NIM1K: variants seen among roughly 807,000 people sequenced by gnomAD.
NIM1K encodes serine/threonine-protein kinase NIM1.
NIM1K carries 35 observed loss-of-function variants against 37.1 expected under a neutral mutation model. That is an observed-to-expected ratio of 0.94 (90% CI 0.72 to 1.25). The LOEUF (loss-of-function observed/expected upper bound fraction) is 1.25. Among genes scored for constraint, NIM1K ranks in the 50% most tolerant of loss-of-function variants. NIM1K has a pLI of 0.00. For synonymous variants in NIM1K, 234 were observed against 206.6 expected, an observed-to-expected ratio of 1.13 and a Z score of -1.14; for missense variants, 564 against 548.0, an observed-to-expected ratio of 1.03 and a Z score of -0.29.
In NIM1K at chr5:43,280,192, G is replaced by C; in HGVS notation, c.774G>C (p.Gly258=). 3 of 1,614,130 alleles carry C rather than the reference G, an allele frequency of 1.9e-6. No homozygotes were observed. The highest frequency in any genetic ancestry group is 2.5e-6 in the Non-Finnish European group (3 of 1,180,030). ...IGIYVDIWAL[G]VLLYFMVTGT... is the part of the protein sequence containing the mutation. ...TTTACGTGGATATCTGGGCCTTGGGGGTGCTTTTGTACTTCATGGTGACTG... is the reference window on the plus strand; with the variant it reads ...TTTACGTGGATATCTGGGCCTTGGGCGTGCTTTTGTACTTCATGGTGACTG... Residue 258 remains glycine, a synonymous_variant, in exon 4 of 4, where the codon GGG becomes GGC. Coordinates refer to ENST00000326035, the MANE Select transcript of NIM1K (RefSeq NM_153361.4).
chr5:43,264,370 A>G (rs550950968), intron 2 of NIM1K, among the ~76,000 whole-genome samples: 2 of 152,316 alleles, frequency 1.3e-5, no homozygotes, highest in Admixed American at 6.5e-5. Context: ...CTTTACCATT[A>G]TGTAATGGCC....
chr5:43,201,774 C>T (rs1752023770), intron 1 of NIM1K, among the ~76,000 whole-genome samples: 1 of 152,120 alleles, frequency 6.6e-6, no homozygotes, highest in African/African-American at 2.4e-5. Flanking sequence ...TCCTGGCCAA[C>T]ATGGTGAAAC....
rs771395553 is a variant in NIM1K at position 43,245,978 on chromosome 5, G to A, written c.203G>A (p.Gly68Glu). Residue 68 changes from glycine (G) to glutamate (E), a missense_variant, in exon 2 of 4, where the codon GGG becomes GAG. Transcript: ENST00000326035. ...DEKVVREITL[G>E]KRIGFYRIRG... ...AAGGTGGTGAGGGAGATCACGCTGG[G>A]GAAACGGATAGGCTTCTACCGAATT... The A allele has an allele frequency of 1.2e-6, 2 of 1,614,152 alleles. No individual in the cohort carries two copies. Among genetic ancestry groups the A allele is most frequent in the South Asian group, 1.1e-5 (1 of 91,076 alleles).
At chr5:43,266,444 T>A (rs1217482714) in intron 2 of NIM1K, among the ~76,000 whole-genome samples, 2 of 152,246 alleles carry the variant, frequency 1.3e-5, no homozygotes, top group Non-Finnish European at 2.9e-5. Flanking sequence ...GATCTCCTGG[T>A]GTGCCATTTG....
chr5:43,280,125 A>T lies in NIM1K; in HGVS notation c.707A>T (p.Tyr236Phe). The T allele has an allele frequency of 6.2e-7, 1 of 1,614,170 alleles. No individual in the cohort carries two copies. The highest frequency in any genetic ancestry group is 8.5e-7 in the Non-Finnish European group (1 of 1,180,028). The change falls in exon 4 of 4, where the codon TAC becomes TTC. Residue 236 changes from tyrosine (Y) to phenylalanine (F), a missense_variant. Physicochemically the swap from Tyr to Phe is conservative, Grantham distance 22. Coordinates refer to ENST00000326035, the MANE Select transcript of NIM1K (RefSeq NM_153361.4). The part of the protein sequence containing the change: ...MLNTFCGSPP[Y>F]AAPELFRDEH... ...AACACTTTCTGTGGGTCTCCTCCCT[A>T]CGCTGCGCCTGAACTCTTCCGGGAC...
At position 43,216,895 on chromosome 5, in the gene NIM1K, G is replaced by A. The variant is rs930462084; in HGVS notation, c.-695+24484G>A. Among the ~76,000 whole-genome samples the A allele has an allele frequency of 2.6e-5, 4 of 152,140 alleles. No individual in the cohort carries two copies. The South Asian group carries it at 6.2e-4, about 24-fold the overall frequency. On this transcript the variant is annotated intron_variant, in intron 1 of 3. Coordinates refer to ENST00000326035, the MANE Select transcript of NIM1K (RefSeq NM_153361.4). ...AGGTAGGAAAAGGATTTTGGGAGCCGCTGGATGGATGGTTTGCATGAAGTG... is the reference window on the plus strand; with the variant it reads ...AGGTAGGAAAAGGATTTTGGGAGCCACTGGATGGATGGTTTGCATGAAGTG...
At chr5:43,216,832 G>A (rs1434035663) in intron 1 of NIM1K, among the ~76,000 whole-genome samples, 7 of 152,144 alleles carry the variant, frequency 4.6e-5, no homozygotes, top group Non-Finnish European at 8.8e-5. Flanking sequence ...TAAATGGTCT[G>A]GAATCAGAAA....
chr5:43,215,416 C>T (rs989774331), intron 1 of NIM1K, among the ~76,000 whole-genome samples: 1 of 152,082 alleles, frequency 6.6e-6, no homozygotes, highest in Admixed American at 6.5e-5. Flanking sequence ...GTAGTAAAGG[C>T]TTAGCCAGCA....
At chr5:43,201,683 G>A (rs1392443934) in intron 1 of NIM1K, among the ~76,000 whole-genome samples, 2 of 151,536 alleles carry the variant, frequency 1.3e-5, no homozygotes, top group African/African-American at 2.4e-5. Flanking sequence ...TTTTCTGACC[G>A]GGCGTGGTGG....
intron 2 of NIM1K, among the ~76,000 whole-genome samples, chr5:43,273,507 C>T (rs1753290412): frequency 1.3e-5 from 2 of 152,160 alleles, no homozygotes; most frequent in South Asian, 4.1e-4. Flanking sequence ...TCACACCCGG[C>T]CCAGAGTGCT....
intron 1 of NIM1K, among the ~76,000 whole-genome samples, chr5:43,208,136 A>C (rs6887169): frequency 6.6e-6 from 1 of 151,916 alleles, no homozygotes; most frequent in Non-Finnish European, 1.5e-5. Context: ...GTAGATCTTC[A>C]GTTTGAATGT....
chr5:43,245,373 T>G lies in NIM1K; in HGVS notation c.-403T>G, dbSNP rs1752761098. On this transcript the variant is annotated 5_prime_UTR_variant, in exon 2 of 4. Coordinates refer to ENST00000326035, the MANE Select transcript of NIM1K (RefSeq NM_153361.4). ...ACCAGAGTGCAAGATTCTCTGGCCATCAAGGGAAATAGCAAACAGAAGCCT... is the reference window on the plus strand; with the variant it reads ...ACCAGAGTGCAAGATTCTCTGGCCAGCAAGGGAAATAGCAAACAGAAGCCT... 1 of 159,374 alleles carries G rather than the reference T, an allele frequency of 6.3e-6. No individual in the cohort carries two copies. The highest frequency in any genetic ancestry group is 1.4e-5 in the Non-Finnish European group (1 of 73,092). The allele number at this position is 159,374 out of a possible 1,614,324, so 9.9% of individuals were successfully genotyped here.
intron 2 of NIM1K, among the ~76,000 whole-genome samples, chr5:43,267,701 G>T (rs2112294418): frequency 6.6e-6 from 1 of 152,098 alleles, no homozygotes; most frequent in African/African-American, 2.4e-5. Context: ...TTATTTCATT[G>T]TTAACCCAAA....
rs782973 is a variant in NIM1K, at chr5:43,194,611, C to T, written c.-695+2200C>T. On this transcript the variant is annotated intron_variant, in intron 1 of 3. Coordinates refer to ENST00000326035, the MANE Select transcript of NIM1K (RefSeq NM_153361.4). ...TTGAAAAGGTTTAATTTGGGGCAAGCAGTGGTACCATTTCAAATACTTTTA... is the reference window on the plus strand; with the variant it reads ...TTGAAAAGGTTTAATTTGGGGCAAGTAGTGGTACCATTTCAAATACTTTTA... Among the ~76,000 whole-genome samples the T allele has an allele frequency of 7.9e-3, 1,196 of 152,272 alleles. 20 individuals carry two copies. The highest frequency in any genetic ancestry group is 0.027 in the African/African-American group (1,104 of 41,552).
intron 1 of NIM1K, among the ~76,000 whole-genome samples, chr5:43,223,227 G>A (rs1752407015): frequency 1.3e-5 from 2 of 152,156 alleles, no homozygotes; most frequent in East Asian, 1.9e-4. Flanking sequence ...AGAACCCTGA[G>A]GCTGGGGCCT....
intron 1 of NIM1K, among the ~76,000 whole-genome samples, chr5:43,229,785 T>C (rs1009697789): frequency 2.6e-5 from 4 of 151,912 alleles, no homozygotes; most frequent in African/African-American, 9.7e-5. Flanking sequence ...TACAGGCTCA[T>C]GCCACCATGC....
At chr5:43,224,697 A>ATT (rs34015498) in intron 1 of NIM1K, among the ~76,000 whole-genome samples, 71,976 of 140,808 alleles carry the variant, frequency 0.51, 18,945 homozygotes, top group Non-Finnish European at 0.53. Flanking sequence ...TAACAAGTGA[A>ATT]TTTTTTTTTT....
intron 1 of NIM1K, among the ~76,000 whole-genome samples, chr5:43,199,037 A>C (rs1751977477): frequency 6.6e-6 from 1 of 151,336 alleles, no homozygotes; most frequent in Non-Finnish European, 1.5e-5. Context: ...AAAAATACAA[A>C]ATTAGCTGGG....
chr5:43,222,017 A>G (rs1483452829), intron 1 of NIM1K, among the ~76,000 whole-genome samples: 1 of 151,982 alleles, frequency 6.6e-6, no homozygotes, highest in Non-Finnish European at 1.5e-5. Flanking sequence ...TTGGAGGAGG[A>G]GGCATGAGAG....
Sources: allele counts gnomAD v4.1 joint callset (sites outside exome capture counted in the v4.1 genomes callset), GRCh38; gene constraint gnomAD v4.1.1; transcripts MANE v1.5; gene names NCBI Gene and HGNC (gene_info 2026-07-23, HGNC 2026-07-21).